Variants in BNC2 observed in about 807,000 individuals in gnomAD.
The protein encoded by BNC2 is zinc finger protein basonuclin-2.
Under a neutral mutation model 76.3 loss-of-function variants are expected in BNC2, and 20 were observed. The observed-to-expected ratio is 0.26, with a 90% CI of 0.18 to 0.38. The LOEUF (loss-of-function observed/expected upper bound fraction) is 0.38. Among genes scored for constraint, BNC2 ranks in the 10% least tolerant of loss-of-function variants. The probability of loss-of-function intolerance (pLI) is 1.00; values close to 1 mark genes in which losing one functional copy is unlikely to be tolerated. For missense variants in BNC2, 1,382 were observed against 1,399.8 expected, an observed-to-expected ratio of 0.99 and a Z score of 0.20; for synonymous variants, 582 against 514.8, an observed-to-expected ratio of 1.13 and a Z score of -1.77.
At chr9:16,751,666 GTA>G (rs1825209594) in intron 1 of BNC2, among the ~76,000 whole-genome samples, 1 of 80,228 alleles carries the variant, frequency 1.2e-5, no homozygotes. Flanking sequence ...ATATATGTAT[GTA>G]TGTGTATATA....
intron 3 of BNC2, among the ~76,000 whole-genome samples, chr9:16,689,611 A>T (rs988190623): frequency 1.3e-5 from 2 of 152,006 alleles, no homozygotes; most frequent in African/African-American, 4.8e-5. Flanking sequence ...GAAGGGACAA[A>T]GACCTTGGAA....
At position 16,605,386 on chromosome 9, in the gene BNC2, C is replaced by T. The variant is rs551093054; in HGVS notation, c.331-22301G>A. Among the ~76,000 whole-genome samples the T allele has an allele frequency of 2.0e-5, 3 of 152,312 alleles. No homozygotes were observed. The South Asian group carries it at 6.2e-4, about 32-fold the overall frequency. On this transcript the variant is annotated intron_variant, in intron 3 of 6. Coordinates refer to ENST00000380672, the MANE Select transcript of BNC2 (RefSeq NM_017637.6). ...ACTTTTCCCTCTTAGGAGGGTATCA[C>T]GCTATCATTATCTCAATTTTACAGG...
intron 3 of BNC2, among the ~76,000 whole-genome samples, chr9:16,700,525 G>T (rs367987584): frequency 4.6e-5 from 7 of 152,146 alleles, no homozygotes; most frequent in African/African-American, 1.7e-4. Flanking sequence ...GCGCAAGCTG[G>T]ACTCAAAACT....
chr9:16,585,987 G>A (rs987770373), intron 3 of BNC2, among the ~76,000 whole-genome samples: 1 of 152,182 alleles, frequency 6.6e-6, no homozygotes, highest in Non-Finnish European at 1.5e-5. Context: ...TCTATGCAGA[G>A]ATTAGTATTC....
At chr9:16,439,822 G>C (rs7867641) in intron 5 of BNC2, among the ~76,000 whole-genome samples, 3,433 of 152,224 alleles carry the variant, frequency 0.023, 109 homozygotes, top group African/African-American at 0.069. Context: ...CGTGCATGTG[G>C]GTGTCCATTC....
At chr9:16,818,382 C>T (rs149690209) in intron 1 of BNC2, among the ~76,000 whole-genome samples, 3,313 of 151,886 alleles carry the variant, frequency 0.022, 106 homozygotes, top group African/African-American at 0.072. Context: ...CCAGCCTGGG[C>T]AACAAAGCGA....
chr9:16,743,466 G>A (rs987568609), intron 1 of BNC2, among the ~76,000 whole-genome samples: 1 of 152,154 alleles, frequency 6.6e-6, no homozygotes, highest in African/African-American at 2.4e-5. Flanking sequence ...AATTTCTTCA[G>A]ACGGAGTTAT....
chr9:16,427,883 G>A (rs1354524560), intron 6 of BNC2, among the ~76,000 whole-genome samples: 1 of 152,160 alleles, frequency 6.6e-6, no homozygotes, highest in African/African-American at 2.4e-5. Context: ...CTGAGAACAA[G>A]AAAGTCCTCG....
chr9:16,730,051 G>GT (rs1563918139), intron 2 of BNC2, among the ~76,000 whole-genome samples: 2 of 150,230 alleles, frequency 1.3e-5, no homozygotes, highest in South Asian at 4.2e-4. Context: ...CCCCCACCCC[G>GT]TTTTTTCTCA....
At chr9:16,826,236 TC>T (rs973199680) in intron 1 of BNC2, among the ~76,000 whole-genome samples, 38 of 110,442 alleles carry the variant, frequency 3.4e-4, no homozygotes, top group African/African-American at 1.2e-3. Flanking sequence ...CGCTCAATCT[TC>T]CCCCATAACC....
At chr9:16,449,555 T>C (rs368432417) in intron 5 of BNC2, among the ~76,000 whole-genome samples, 40 of 152,274 alleles carry the variant, frequency 2.6e-4, no homozygotes, top group African/African-American at 8.7e-4. Flanking sequence ...TCACCGTAAA[T>C]GAATCTTGTA....
At chr9:16,537,957 G>A (rs762744849) in intron 5 of BNC2, among the ~76,000 whole-genome samples, 20 of 152,204 alleles carry the variant, frequency 1.3e-4, no homozygotes, top group Middle Eastern at 3.4e-3. Context: ...TTTCCATATG[G>A]GAAATGTAAT....
intron 5 of BNC2, among the ~76,000 whole-genome samples, chr9:16,484,303 C>A (rs1351067100): frequency 6.6e-6 from 1 of 152,216 alleles, no homozygotes; most frequent in African/African-American, 2.4e-5. Flanking sequence ...TTTTGACACA[C>A]TGGAAAATGT....
At chr9:16,715,642 G>A (rs1272165181) in intron 3 of BNC2, among the ~76,000 whole-genome samples, 2 of 152,170 alleles carry the variant, frequency 1.3e-5, no homozygotes, top group Non-Finnish European at 2.9e-5. Context: ...CAGCAGCAGT[G>A]GATCTGGCAA....
At chr9:16,821,909 C>T (rs1374696137) in intron 1 of BNC2, among the ~76,000 whole-genome samples, 3 of 151,826 alleles carry the variant, frequency 2.0e-5, no homozygotes, top group African/African-American at 4.8e-5. Flanking sequence ...CTGGCTAACA[C>T]GGTGAAACCC....
chr9:16,826,247 C>T (rs1449145658), intron 1 of BNC2, among the ~76,000 whole-genome samples: 1 of 135,758 alleles, frequency 7.4e-6, no homozygotes, highest in Non-Finnish European at 1.6e-5. Context: ...CCCCCATAAC[C>T]CAGAGACTTG....
intron 3 of BNC2, among the ~76,000 whole-genome samples, chr9:16,672,529 A>G (rs2134193771): frequency 6.6e-6 from 1 of 152,270 alleles, no homozygotes. Context: ...TCAACTATAG[A>G]CCAATCCAGA....
At chr9:16,498,143 T>TGA (rs1453051330) in intron 5 of BNC2, among the ~76,000 whole-genome samples, 2 of 116,594 alleles carry the variant, frequency 1.7e-5, no homozygotes, top group African/African-American at 9.0e-5. Flanking sequence ...ATATATTCTA[T>TGA]CATATATATT....
chr9:16,414,915 A>G lies in BNC2; in HGVS notation c.*4074T>C, dbSNP rs1476575482. The G allele has an allele frequency of 1.4e-5, 2 of 144,870 alleles. No individual in the cohort carries two copies. The highest frequency in any genetic ancestry group is 4.0e-4 in the East Asian group (2 of 5,042). The allele number at this position is 144,870 out of a possible 1,614,324, so 9.0% of individuals were successfully genotyped here. On this transcript the variant is annotated 3_prime_UTR_variant, in exon 7 of 7. Coordinates refer to ENST00000380672, the MANE Select transcript of BNC2 (RefSeq NM_017637.6). ...GGAATAGCCCATTCTTGATATATTC[A>G]AAGTTTTTTTTTTTTTTTTTTCCTT... is the stretch of plus-strand genomic sequence containing the variant.
Sources: gnomAD v4.1 joint callset for allele counts (sites outside exome capture counted in the v4.1 genomes callset) on GRCh38, gnomAD v4.1.1 for gene constraint, MANE v1.5 for transcripts, NCBI Gene and HGNC (gene_info 2026-07-23, HGNC 2026-07-21) for gene names.